Variants in ASIC2 observed in about 807,000 individuals in gnomAD.
ASIC2 encodes the protein acid sensing ion channel subunit 2, also known as acid-sensing ion channel 2.
Under a neutral mutation model 57.3 loss-of-function variants are expected in ASIC2, and 25 were observed. The observed-to-expected ratio is 0.44, with a 90% CI of 0.32 to 0.61. The LOEUF (loss-of-function observed/expected upper bound fraction) is 0.61. Ranked by LOEUF, ASIC2 falls within the 20% of genes least tolerant of loss-of-function variation. The probability of loss-of-function intolerance (pLI) is 0.06; values close to 1 mark genes in which losing one functional copy is unlikely to be tolerated. For missense variants in ASIC2, 641 were observed against 738.1 expected, an observed-to-expected ratio of 0.87 and a Z score of 1.52; for synonymous variants, 319 against 307.5, an observed-to-expected ratio of 1.04 and a Z score of -0.39.
intron 1 of ASIC2, among the ~76,000 whole-genome samples, chr17:33,698,270 C>T (rs1186339993): frequency 6.6e-6 from 1 of 152,068 alleles, no homozygotes; most frequent in African/African-American, 2.4e-5. Context: ...CATCCCAGTT[C>T]TACTTCATAT....
At chr17:33,393,054 A>G (rs948220335) in intron 1 of ASIC2, among the ~76,000 whole-genome samples, 3 of 152,076 alleles carry the variant, frequency 2.0e-5, no homozygotes, top group African/African-American at 7.2e-5. Flanking sequence ...CATGCAGCCC[A>G]TTGTAATCAC....
At chr17:33,574,165 T>C (rs1428446433) in intron 1 of ASIC2, among the ~76,000 whole-genome samples, 1 of 152,246 alleles carries the variant, frequency 6.6e-6, no homozygotes, top group Non-Finnish European at 1.5e-5. Context: ...TGTATCTGCA[T>C]TAGCATAAGA....
At position 33,483,033 on chromosome 17, in the gene ASIC2, T is replaced by C. The variant is rs541771909; in HGVS notation, c.556-370966A>G. Among the ~76,000 whole-genome samples the C allele has an allele frequency of 3.9e-5, 6 of 152,244 alleles. No individual in the cohort carries two copies. The South Asian group carries it at 8.3e-4, about 21-fold the overall frequency. ...ATGAGGCGGAGAGAATGGGGAGAGA[T>C]GGCAAAGAGGCAGAAGCGGGAGGGA... On this transcript the variant is annotated intron_variant, in intron 1 of 9. Coordinates refer to the ASIC2 transcript ENST00000359872.
chr17:33,118,623 C>G (rs968740620), intron 1 of ASIC2, among the ~76,000 whole-genome samples: 5 of 152,218 alleles, frequency 3.3e-5, no homozygotes, highest in African/African-American at 1.2e-4. Flanking sequence ...CAGAGGAACC[C>G]GAGCAAAGTG....
At chr17:33,925,882 A>G (rs1169466514) in intron 1 of ASIC2, among the ~76,000 whole-genome samples, 1 of 152,212 alleles carries the variant, frequency 6.6e-6, no homozygotes, top group Non-Finnish European at 1.5e-5. Context: ...TTCTTTGGCC[A>G]GTGGAAGATC....
chr17:33,434,752 T>G (rs1476586842), intron 1 of ASIC2, among the ~76,000 whole-genome samples: 1 of 152,226 alleles, frequency 6.6e-6, no homozygotes, highest in Non-Finnish European at 1.5e-5. Flanking sequence ...GGTTTGGCAG[T>G]GAGCGTTAAA....
At chr17:33,330,421 G>A (rs535424879) in intron 1 of ASIC2, among the ~76,000 whole-genome samples, 1 of 152,298 alleles carries the variant, frequency 6.6e-6, no homozygotes, top group Admixed American at 6.5e-5. Flanking sequence ...ACCAGGATCA[G>A]AAGAATAAAG....
chr17:33,663,253 G>A (rs979466486), intron 1 of ASIC2, among the ~76,000 whole-genome samples: 4 of 152,162 alleles, frequency 2.6e-5, no homozygotes, highest in African/African-American at 4.8e-5. Flanking sequence ...AGTCAAATCC[G>A]GGTTTGTCTG....
chr17:33,188,633 G>A (rs1758709196), intron 1 of ASIC2, among the ~76,000 whole-genome samples: 1 of 152,120 alleles, frequency 6.6e-6, no homozygotes, highest in African/African-American at 2.4e-5. Flanking sequence ...AGAAATGAAA[G>A]CCAGAAAACA....
At chr17:33,628,377 G>A (rs1038135412) in intron 1 of ASIC2, among the ~76,000 whole-genome samples, 2 of 151,188 alleles carry the variant, frequency 1.3e-5, no homozygotes, top group Non-Finnish European at 2.9e-5. Context: ...TTGCAACCTC[G>A]ACCTCCTTGG....
intron 1 of ASIC2, among the ~76,000 whole-genome samples, chr17:33,712,806 C>T (rs1011322546): frequency 2.4e-4 from 37 of 151,152 alleles, no homozygotes; most frequent in East Asian, 1.9e-4. Context: ...CCACTACGCC[C>T]GGCTAATTTT....
chr17:33,831,487 G>C (rs1162173724), intron 1 of ASIC2, among the ~76,000 whole-genome samples: 3 of 151,642 alleles, frequency 2.0e-5, no homozygotes, highest in Non-Finnish European at 4.4e-5. Flanking sequence ...TTCCCTTAAA[G>C]GATTTTCAAT....
intron 1 of ASIC2, among the ~76,000 whole-genome samples, chr17:33,632,487 G>A (rs926881978): frequency 3.3e-5 from 5 of 152,146 alleles, no homozygotes; most frequent in African/African-American, 1.2e-4. Context: ...AGGCCAGTCA[G>A]AAGATCGTAC....
intron 1 of ASIC2, among the ~76,000 whole-genome samples, chr17:33,249,061 G>A (rs1381978233): frequency 1.3e-5 from 2 of 152,162 alleles, no homozygotes; most frequent in Non-Finnish European, 2.9e-5. Flanking sequence ...CAGGCTGTGA[G>A]ACATGGCTGG....
intron 1 of ASIC2, among the ~76,000 whole-genome samples, chr17:33,574,992 T>A (rs1916572443): frequency 6.6e-6 from 1 of 152,196 alleles, no homozygotes; most frequent in Non-Finnish European, 1.5e-5. Context: ...TCTGTCTGTT[T>A]CAGCAGAGTG....
intron 7 of ASIC2, among the ~76,000 whole-genome samples, chr17:33,020,466 C>T (rs971440572): frequency 6.6e-6 from 1 of 152,138 alleles, no homozygotes; most frequent in Non-Finnish European, 1.5e-5. Context: ...TTCTGGTTTA[C>T]AGGCATCAGA....
At chr17:34,043,948 A>G (rs1908231215) in intron 1 of ASIC2, among the ~76,000 whole-genome samples, 1 of 152,194 alleles carries the variant, frequency 6.6e-6, no homozygotes, top group African/African-American at 2.4e-5. Context: ...TAATTCCCTG[A>G]TGGAGAGGCA....
chr17:33,091,058 A>G (rs968322726), intron 2 of ASIC2, among the ~76,000 whole-genome samples: 15 of 152,204 alleles, frequency 9.9e-5, no homozygotes, highest in Admixed American at 4.6e-4. Flanking sequence ...CTTTGTGTCA[A>G]TCTCTCCTAT....
intron 1 of ASIC2, among the ~76,000 whole-genome samples, chr17:33,854,953 A>G (rs918361750): frequency 6.6e-6 from 1 of 152,234 alleles, no homozygotes; most frequent in Admixed American, 6.5e-5. Context: ...GAGCAAAAGT[A>G]GGAGGAACCT....
Sources: gnomAD v4.1 joint callset for allele counts (sites outside exome capture counted in the v4.1 genomes callset) on GRCh38, gnomAD v4.1.1 for gene constraint, MANE v1.5 for transcripts, NCBI Gene and HGNC (gene_info 2026-07-23, HGNC 2026-07-21) for gene names.